PPP1CB: variants seen among roughly 807,000 people sequenced by gnomAD.
The protein encoded by PPP1CB is protein phosphatase 1 catalytic subunit beta.
A neutral mutation model predicts 43.7 loss-of-function variants in PPP1CB; 2 were observed. The ratio of observed to expected loss-of-function variants is 0.05; its 90% CI spans 0.02 to 0.14. The LOEUF is 0.14. PPP1CB is among the 10% of genes least tolerant of loss of function. The probability of loss-of-function intolerance (pLI) is 1.00; values close to 1 mark genes in which losing one functional copy is unlikely to be tolerated. For missense variants in PPP1CB, 84 were observed against 398.0 expected, an observed-to-expected ratio of 0.21 and a Z score of 6.71; for synonymous variants, 136 against 135.6, an observed-to-expected ratio of 1.00 and a Z score of -0.02.
At chr2:28,759,651 C>T (rs1226057287) in intron 1 of PPP1CB, among the ~76,000 whole-genome samples, 1 of 146,378 alleles carries the variant, frequency 6.8e-6, no homozygotes, top group African/African-American at 2.5e-5. Context: ...GAGTTTCGCT[C>T]TTGTTGCCCA....
chr2:28,757,276 C>T (rs901016825), intron 1 of PPP1CB, among the ~76,000 whole-genome samples: 1 of 152,246 alleles, frequency 6.6e-6, no homozygotes, highest in Admixed American at 6.5e-5. Flanking sequence ...ATTCATTCAT[C>T]AGTTGATGGA....
intron 6 of PPP1CB, among the ~76,000 whole-genome samples, chr2:28,792,064 G>A (rs895012743): frequency 1.3e-5 from 2 of 151,930 alleles, no homozygotes; most frequent in Non-Finnish European, 2.9e-5. Flanking sequence ...AAACTGGCTG[G>A]GCACCGTGGC....
At chr2:28,765,915 AAAATT>A (rs1053195042) in intron 1 of PPP1CB, among the ~76,000 whole-genome samples, 2 of 152,230 alleles carry the variant, frequency 1.3e-5, no homozygotes, top group African/African-American at 4.8e-5. Context: ...CAAAAAGTAA[AAAATT>A]AAAAAATAAA....
At chr2:28,794,094 G>T in intron 7 of PPP1CB, 97 bp downstream of exon 7, 1 of 1,021,858 alleles carries the variant, frequency 9.8e-7, no homozygotes, top group South Asian at 1.7e-5. Context: ...AGCAAGTGTT[G>T]AAAGTCTGTT....
intron 1 of PPP1CB, among the ~76,000 whole-genome samples, chr2:28,761,478 C>T (rs1399066722): frequency 3.3e-5 from 5 of 152,148 alleles, no homozygotes; most frequent in Non-Finnish European, 7.3e-5. Context: ...TGCCTTCAAA[C>T]AATTCTTGAC....
upstream of PPP1CB, chr2:28,751,624 T>G (rs1453407184): frequency 2.4e-5 from 4 of 168,720 alleles, no homozygotes; most frequent in Non-Finnish European, 3.8e-5. Context: ...GCCGTGGACG[T>G]GGAGAGAGGG....
chr2:28,788,989 C>G (rs952307646), intron 6 of PPP1CB, among the ~76,000 whole-genome samples, 180 bp downstream of exon 6: 4 of 152,138 alleles, frequency 2.6e-5, no homozygotes, highest in African/African-American at 4.8e-5. Context: ...TCCCAAGTAG[C>G]TGGGACGATA....
chr2:28,755,488 C>T (rs1666468624), intron 1 of PPP1CB, among the ~76,000 whole-genome samples: 2 of 152,168 alleles, frequency 1.3e-5, no homozygotes. Flanking sequence ...AACTAAAAAC[C>T]AAAGACTTCT....
rs1667211678 is a variant in PPP1CB at position 28,784,097 on chromosome 2, A to C, written c.592+119A>C. The C allele has an allele frequency of 5.9e-6, 4 of 672,712 alleles. No homozygotes were observed. The East Asian group carries it at 1.1e-4, about 18-fold the overall frequency. 41.7% of individuals were successfully genotyped at this position (672,712 alleles called of 1,614,324 possible). ...AAATAAAAGAGCTTTTTTCATAGTC[A>C]ATAAGCCAGCTACAGATTACTTTAT... On this transcript the variant is annotated intron_variant, in intron 5 of 7. Coordinates refer to ENST00000395366, the MANE Select transcript of PPP1CB (RefSeq NM_002709.3).
intron 2 of PPP1CB, among the ~76,000 whole-genome samples, chr2:28,777,656 G>A (rs988811659): frequency 3.9e-5 from 6 of 152,062 alleles, no homozygotes; most frequent in African/African-American, 1.5e-4. Context: ...TGTTTGTTTG[G>A]TTGGTTTTTC....
rs770630809 is a variant in PPP1CB at position 28,751,871 on chromosome 2, G to A, written c.-254G>A. On this transcript the variant is annotated 5_prime_UTR_variant, in exon 1 of 8. Coordinates refer to ENST00000395366, the MANE Select transcript of PPP1CB (RefSeq NM_002709.3). ...CCGAGGAGGAGGAGGTGGCGGCCTG[G>A]GTCTGACGCGGCCCTGTTCGAGGGG... The A allele has an allele frequency of 5.1e-5, 29 of 568,550 alleles. No individual in the cohort carries two copies. Among genetic ancestry groups the A allele is most frequent in the Non-Finnish European group, 7.7e-5 (24 of 313,114 alleles). 35.2% of individuals were successfully genotyped at this position (568,550 alleles called of 1,614,324 possible).
At chr2:28,797,657 G>T (rs1369498372) in intron 7 of PPP1CB, among the ~76,000 whole-genome samples, 3 of 152,078 alleles carry the variant, frequency 2.0e-5, no homozygotes, top group Middle Eastern at 3.2e-3. Flanking sequence ...TAGGTATTTT[G>T]TATGTCTGTG....
intron 3 of PPP1CB, among the ~76,000 whole-genome samples, chr2:28,779,953 C>T (rs928950225): frequency 2.0e-5 from 3 of 152,204 alleles, no homozygotes; most frequent in South Asian, 2.1e-4. Context: ...ATTGGCCTTC[C>T]CTGTCCAGCC....
At chr2:28,794,569 T>G (rs1362038477) in intron 7 of PPP1CB, among the ~76,000 whole-genome samples, 2 of 152,032 alleles carry the variant, frequency 1.3e-5, no homozygotes, top group East Asian at 3.9e-4. Context: ...CATGCACCTA[T>G]AGTCCCAGCT....
chr2:28,768,894 A>G (rs756669398), intron 1 of PPP1CB, among the ~76,000 whole-genome samples: 1 of 152,212 alleles, frequency 6.6e-6, no homozygotes, highest in East Asian at 1.9e-4. Flanking sequence ...GACAGTGGAA[A>G]GGTCTATCAT....
At chr2:28,788,223 T>C (rs1667312541) in intron 5 of PPP1CB, among the ~76,000 whole-genome samples, 1 of 152,210 alleles carries the variant, frequency 6.6e-6, no homozygotes, top group African/African-American at 2.4e-5. Context: ...TCTAGTCTGT[T>C]ATTGGCTCAG....
chr2:28,759,184 G>A (rs1023440396), intron 1 of PPP1CB, among the ~76,000 whole-genome samples: 3 of 152,274 alleles, frequency 2.0e-5, no homozygotes, highest in Admixed American at 1.3e-4. Context: ...CTTGTTTGTG[G>A]TAGTGCTGGT....
chr2:28,781,521 G>A (rs1667158292), intron 3 of PPP1CB, among the ~76,000 whole-genome samples: 1 of 152,058 alleles, frequency 6.6e-6, no homozygotes, highest in Non-Finnish European at 1.5e-5. Flanking sequence ...AATCTTTGAA[G>A]TCTTGGTAAC....
At position 28,759,203 on chromosome 2, in the gene PPP1CB, A is replaced by G. The variant is rs200702651; in HGVS notation, c.52+7027A>G. Among the ~76,000 whole-genome samples the G allele has an allele frequency of 1.1e-4, 17 of 152,254 alleles. No homozygotes were observed. The East Asian group carries it at 2.7e-3, about 24-fold the overall frequency. On this transcript the variant is annotated intron_variant, in intron 1 of 7. Coordinates refer to ENST00000395366, the MANE Select transcript of PPP1CB (RefSeq NM_002709.3). ...TTTGTGGTAGTGCTGGTGTAAACCT[A>G]TTGCACTGCCAGTTGTGTAAAAGTA...
Sources: gnomAD v4.1 joint callset for allele counts (sites outside exome capture counted in the v4.1 genomes callset) on GRCh38, gnomAD v4.1.1 for gene constraint, MANE v1.5 for transcripts, NCBI Gene and HGNC (gene_info 2026-07-23, HGNC 2026-07-21) for gene names.